ABLIM2: variants seen among roughly 807,000 people sequenced by gnomAD.
ABLIM2 encodes the protein actin-binding LIM protein 2.
In ABLIM2, 53 loss-of-function variants were observed where a neutral mutation model predicts 97.7. The ratio of observed to expected loss-of-function variants is 0.54; its 90% CI spans 0.44 to 0.68. The LOEUF (loss-of-function observed/expected upper bound fraction) is 0.68, where lower values mean the gene tolerates loss of function less well. Ranked by LOEUF, ABLIM2 falls within the 30% of genes least tolerant of loss-of-function variation. The pLI is 0.00. For missense variants in ABLIM2, 835 were observed against 867.2 expected, an observed-to-expected ratio of 0.96 and a Z score of 0.47; for synonymous variants, 361 against 345.8, an observed-to-expected ratio of 1.04 and a Z score of -0.49.
rs997542580 is a variant in ABLIM2, at chr4:8,033,336, T to C, written c.1047+2813A>G. ...GGAGGCACTCTGTTCACAGGAACCA[T>C]GGTTATTACAGCGCAATAACTCGAC... On this transcript the variant is annotated intron_variant, in intron 10 of 20. Coordinates refer to ENST00000447017, the MANE Select transcript of ABLIM2 (RefSeq NM_001130083.2). The surrounding 1 kb of genome is among the most constrained non-coding windows in gnomAD (Gnocchi z 4.5). Among the ~76,000 whole-genome samples the C allele has an allele frequency of 3.9e-5, 6 of 152,164 alleles. No homozygotes were observed. The highest frequency in any genetic ancestry group is 1.3e-4 in the Admixed American group (2 of 15,286).
intron 20 of ABLIM2, among the ~76,000 whole-genome samples, chr4:7,982,288 C>T (rs1020419465): frequency 1.3e-5 from 2 of 152,254 alleles, no homozygotes; most frequent in African/African-American, 4.8e-5. Context: ...GTCATACACA[C>T]TCTCCAGCCT....
At chr4:8,096,343 T>A (rs2152648265) in intron 3 of ABLIM2, among the ~76,000 whole-genome samples, 1 of 152,324 alleles carries the variant, frequency 6.6e-6, no homozygotes, top group East Asian at 1.9e-4. Context: ...CCAGAGGCGA[T>A]CTTTCAAACC....
chr4:8,007,901 A>G lies in ABLIM2; in HGVS notation c.1618+158T>C. On this transcript the variant is annotated intron_variant, in intron 16 of 20. Coordinates refer to ENST00000447017, the MANE Select transcript of ABLIM2 (RefSeq NM_001130083.2). ...GAAGCCGGCAAACTGCAAAAGCCCC[A>G]TATTTCCTTCCGGTCGGTCCTTAGA... 3.4e-6 allele frequency: 5 copies of G among 1,451,946 alleles called. No homozygotes were observed. The South Asian group carries it at 7.8e-5, about 23-fold the overall frequency. The allele number at this position is 1,451,946 out of a possible 1,614,324, so 89.9% of individuals were successfully genotyped here.
chr4:8,108,322 C>T (rs1838480126), intron 1 of ABLIM2, among the ~76,000 whole-genome samples: 3 of 152,344 alleles, frequency 2.0e-5, no homozygotes, highest in Non-Finnish European at 4.4e-5. Flanking sequence ...GGGCTGCGCC[C>T]CATGCCTTCT....
chr4:8,029,914 C>A, intron 10 of ABLIM2, 138 bp from the exon 11 acceptor site: 1 of 1,224,602 alleles, frequency 8.2e-7, no homozygotes, highest in Non-Finnish European at 1.1e-6. Flanking sequence ...GTGGGAATCT[C>A]CTGCACCTGT....
intron 3 of ABLIM2, 72 bp downstream of exon 3, chr4:8,097,027 G>T (rs551668048): frequency 1.3e-6 from 2 of 1,495,410 alleles, no homozygotes; most frequent in Non-Finnish European, 1.8e-6. Flanking sequence ...GAGGAAGAAG[G>T]GAAGGGAGGG....
At position 8,120,507 on chromosome 4, in the gene ABLIM2, G is replaced by A. The variant is rs561685276; in HGVS notation, c.11-13870C>T. 5.3e-5 allele frequency among the ~76,000 whole-genome samples: 8 copies of A among 152,160 alleles called. No individual in the cohort carries two copies. Among genetic ancestry groups the A allele is most frequent in the Admixed American group, 2.6e-4 (4 of 15,292 alleles). ...ACATGAAGACGCGGGAGAAGATGGC[G>A]ACTTAGATGCCAGGAGAGGGGCCCT... On this transcript the variant is annotated intron_variant, in intron 1 of 20. Transcript: ENST00000447017. This position sits in a 1 kb window ranked among gnomAD's most constrained non-coding sequence, Gnocchi z 5.6.
At position 8,061,534 on chromosome 4, in the gene ABLIM2, T is replaced by C. The variant is rs1220789283; in HGVS notation, c.676-480A>G. Among the ~76,000 whole-genome samples, 5 of 152,126 alleles carry C rather than the reference T, an allele frequency of 3.3e-5. No homozygotes were observed. The highest frequency in any genetic ancestry group is 1.2e-4 in the African/African-American group (5 of 41,416). ...TTTCACATCTCTGTATTGCTCAGTA[T>C]GTTCAATGAGCATTTTGTTTTTATC... On this transcript the variant is annotated intron_variant, in intron 6 of 20. Coordinates refer to ENST00000447017, the MANE Select transcript of ABLIM2 (RefSeq NM_001130083.2). The surrounding 1 kb of genome is among the most constrained non-coding windows in gnomAD (Gnocchi z 4.5).
rs117332078 is a variant in ABLIM2, at chr4:8,027,657, G to A, written c.1267+102C>T. The A allele has an allele frequency of 1.2e-4, 111 of 907,042 alleles. 2 individuals carry two copies. The East Asian group carries it at 3.6e-3, about 29-fold the overall frequency. 56.2% of individuals were successfully genotyped at this position (907,042 alleles called of 1,614,324 possible). A position where few individuals can be genotyped will look rare whatever the true frequency, so the allele number is the denominator to read the frequency against. ...AGAGAGGGGCACAGGGCATGAAACA[G>A]GGGCTCCGGTGAAGCCATGCGGCAG... On this transcript the variant is annotated intron_variant, in intron 12 of 20. Coordinates refer to ENST00000447017, the MANE Select transcript of ABLIM2 (RefSeq NM_001130083.2).
At chr4:8,118,821 G>A (rs181420915) in intron 1 of ABLIM2, among the ~76,000 whole-genome samples, 67 of 152,300 alleles carry the variant, frequency 4.4e-4, no homozygotes, top group African/African-American at 1.3e-3. Context: ...CCTCTGTACC[G>A]ACAGCGTATT....
Position 8,087,512 on chromosome 4 carries a change from C to T in ABLIM2, c.454+657G>A, listed in dbSNP as rs73075908. Among the ~76,000 whole-genome samples the T allele has an allele frequency of 0.016, 2,508 of 152,310 alleles. 61 individuals are homozygous for T. Among genetic ancestry groups the T allele is most frequent in the African/African-American group, 0.058 (2,396 of 41,566 alleles). On this transcript the variant is annotated intron_variant, in intron 4 of 20. Coordinates refer to ENST00000447017, the MANE Select transcript of ABLIM2 (RefSeq NM_001130083.2). The surrounding 1 kb of genome is among the most constrained non-coding windows in gnomAD (Gnocchi z 4.6). ...CCAAGGGCCCCTGACTGCGGGAGCC[C>T]GGAGCTCAGTGTTCCTCTACAGGTT...
chr4:8,094,426 T>G (rs1274594831), intron 3 of ABLIM2, among the ~76,000 whole-genome samples: 1 of 152,138 alleles, frequency 6.6e-6, no homozygotes, highest in African/African-American at 2.4e-5. Context: ...AGTGCGCAAT[T>G]CCTGTCCCTT....
At position 8,130,126 on chromosome 4, in the gene ABLIM2, G is replaced by A. The variant is rs1419328231; in HGVS notation, c.11-23489C>T. ...TAGTTTATTCAAAGGCAGCCCCCAA[G>A]AAAGGCCCTGGTGGTCTCAGCCTGG... On this transcript the variant is annotated intron_variant, in intron 1 of 20. Coordinates refer to ENST00000447017, the MANE Select transcript of ABLIM2 (RefSeq NM_001130083.2). The surrounding 1 kb of genome is among the most constrained non-coding windows in gnomAD (Gnocchi z 4.2). Among the ~76,000 whole-genome samples, 3 of 152,214 alleles carry A rather than the reference G, an allele frequency of 2.0e-5. No individual in the cohort carries two copies. Among genetic ancestry groups the A allele is most frequent in the Non-Finnish European group, 4.4e-5 (3 of 68,036 alleles).
rs60992903 is a variant in ABLIM2 at position 8,056,112 on chromosome 4, C to CAAAAAAAAAAAAA, written c.764-1879_764-1867dup. On this transcript the variant is annotated intron_variant, in intron 7 of 20. Coordinates refer to ENST00000447017, the MANE Select transcript of ABLIM2 (RefSeq NM_001130083.2). ...TGGGTAACAGAGCAAGACTCTGTCT[C>CAAAAAAAAAAAAA]AAAAAAAAAAAAAAAAAAAAAAAAA... Among the ~76,000 whole-genome samples the CAAAAAAAAAAAAA allele has an allele frequency of 3.3e-3, 228 of 68,274 alleles. 7 individuals carry two copies. The highest frequency in any genetic ancestry group is 4.2e-3 in the East Asian group (13 of 3,126). The allele number at this position is 68,274 out of a possible 152,430, so 44.8% of individuals were successfully genotyped here.
chr4:8,039,874 G>GTTTTTTTTTTTTTTTTTT (rs397947626), intron 9 of ABLIM2, among the ~76,000 whole-genome samples: 1 of 108,630 alleles, frequency 9.2e-6, no homozygotes, highest in African/African-American at 3.4e-5. Flanking sequence ...GCTGATTACT[G>GTTTTTTTTTTTTTTTTTT]TTTTTTTTTT....
chr4:8,146,974 G>A (rs1251807086), intron 1 of ABLIM2, among the ~76,000 whole-genome samples: 2 of 152,190 alleles, frequency 1.3e-5, no homozygotes, highest in African/African-American at 4.8e-5. Context: ...AGATGGACAG[G>A]AATTTCCTTA....
At chr4:8,000,170 G>T (rs1447896608) in intron 16 of ABLIM2, among the ~76,000 whole-genome samples, 1 of 152,134 alleles carries the variant, frequency 6.6e-6, no homozygotes, top group Non-Finnish European at 1.5e-5. Context: ...CTTCATCCCT[G>T]AGCAGTGGTG....
Position 8,033,393 on chromosome 4 carries a change from A to AGCCCTGTGCC in ABLIM2, c.1047+2746_1047+2755dup, listed in dbSNP as rs1234067134. 1.3e-5 allele frequency among the ~76,000 whole-genome samples: 2 copies of AGCCCTGTGCC among 152,206 alleles called. No homozygotes were observed. The highest frequency in any genetic ancestry group is 4.8e-5 in the African/African-American group (2 of 41,460). On this transcript the variant is annotated intron_variant, in intron 10 of 20. Transcript: ENST00000447017. The surrounding 1 kb of genome is among the most constrained non-coding windows in gnomAD (Gnocchi z 4.5). Reference sequence around the variant, plus strand: ...TGGGAGGCTGCCACGGGCCCTGTGAAGCCCTGTGCCATGGGAGGTGGGAAG... The same window carrying AGCCCTGTGCC: ...TGGGAGGCTGCCACGGGCCCTGTGAAGCCCTGTGCCGCCCTGTGCCATGGGAGGTGGGAAG...
Position 8,130,907 on chromosome 4 carries a change from G to T in ABLIM2, c.11-24270C>A, listed in dbSNP as rs1014766610. 2.6e-5 allele frequency among the ~76,000 whole-genome samples: 4 copies of T among 151,948 alleles called. No homozygotes were observed. The highest frequency in any genetic ancestry group is 5.9e-5 in the Non-Finnish European group (4 of 67,972). On this transcript the variant is annotated intron_variant, in intron 1 of 20. Coordinates refer to ENST00000447017, the MANE Select transcript of ABLIM2 (RefSeq NM_001130083.2). The surrounding 1 kb of genome is among the most constrained non-coding windows in gnomAD (Gnocchi z 4.2). ...GGCCTGCATTTCCTGACTTGTGGAC[G>T]GCAAGGTGGCCCCAGGGCTGAGCTC...
Sources: allele counts gnomAD v4.1 joint callset (sites outside exome capture counted in the v4.1 genomes callset), GRCh38; gene constraint gnomAD v4.1.1; non-coding constraint Gnocchi (gnomAD v3.1); transcripts MANE v1.5; gene names NCBI Gene and HGNC (gene_info 2026-07-23, HGNC 2026-07-21).